The following SYNE1 variants were observed in gnomAD, a reference collection of about 807,000 sequenced individuals.
SYNE1 encodes spectrin repeat containing nuclear envelope protein 1, also known as nesprin-1.
Under a neutral mutation model 1,111.0 loss-of-function variants are expected in SYNE1, and 616 were observed. The observed-to-expected ratio is 0.55, with a 90% CI of 0.52 to 0.59. SYNE1 has a LOEUF of 0.59. Among genes scored for constraint, SYNE1 ranks in the 20% least tolerant of loss-of-function variants. The pLI, the probability that SYNE1 is intolerant of heterozygous loss-of-function variation, is 0.00. For missense variants in SYNE1, 10,006 were observed against 10,417.0 expected, an observed-to-expected ratio of 0.96 and a Z score of 1.72; for synonymous variants, 3,855 against 3,825.8, an observed-to-expected ratio of 1.01 and a Z score of -0.28.
intron 3 of SYNE1, among the ~76,000 whole-genome samples, chr6:152,576,446 C>T (rs901640502): frequency 1.1e-4 from 17 of 152,140 alleles, no homozygotes; most frequent in Non-Finnish European, 2.5e-4. Context: ...AAATCCTATG[C>T]AATTTGGTGT....
rs142288500 is a variant in SYNE1 at position 152,522,169 on chromosome 6, C to T, written c.226-1627G>A. Among the ~76,000 whole-genome samples, 577 of 151,944 alleles carry T rather than the reference C, an allele frequency of 3.8e-3. 5 individuals carry two copies. The highest frequency in any genetic ancestry group is 0.013 in the African/African-American group (556 of 41,466). On this transcript the variant is annotated intron_variant, in intron 5 of 145. Coordinates refer to ENST00000367255, the MANE Select transcript of SYNE1 (RefSeq NM_182961.4). ...TGGTGAAGTCTCAGATTGTAGTGCACCTGTCACTCAACATTTAGTTTTTGA... is the reference window on the plus strand; with the variant it reads ...TGGTGAAGTCTCAGATTGTAGTGCATCTGTCACTCAACATTTAGTTTTTGA...
chr6:152,558,984 A>G (rs1302585654), intron 3 of SYNE1, among the ~76,000 whole-genome samples: 1 of 78,586 alleles, frequency 1.3e-5, no homozygotes, highest in East Asian at 2.8e-4. Context: ...ATTTTTATTT[A>G]TTTATTTATT....
chr6:152,373,222 A>G lies in SYNE1; in HGVS notation c.9325-3T>C, dbSNP rs759404408. The G allele has an allele frequency of 3.1e-6, 5 of 1,607,836 alleles. No homozygotes were observed. The highest frequency in any genetic ancestry group is 2.2e-5 in the East Asian group (1 of 44,844). On this transcript the variant is annotated splice_polypyrimidine_tract_variant and splice_region_variant and intron_variant, in intron 58 of 145. Transcript: ENST00000367255. ...TTTTCACTTTCTGACAAAAACTCCT[A>G]TAAAAGAAAATATAGAATTAGCCAT...
chr6:152,434,187 T>G, intron 33 of SYNE1: 1 of 516,688 alleles, frequency 1.9e-6, no homozygotes. Context: ...AACTGCACTT[T>G]GAACAAAACA....
At chr6:152,604,266 A>G (rs1299049497) in intron 3 of SYNE1, among the ~76,000 whole-genome samples, 1 of 151,198 alleles carries the variant, frequency 6.6e-6, no homozygotes, top group Non-Finnish European at 1.5e-5. Flanking sequence ...ATTTTAAGGA[A>G]CTTGCATTAC....
At position 152,218,304 on chromosome 6, in the gene SYNE1, G is replaced by C; in HGVS notation, c.22144C>G (p.His7382Asp). The change falls in exon 121 of 146, where the codon CAC (histidine) becomes GAC (aspartate). Residue 7382 changes from histidine (H) to aspartate (D), a missense_variant. Around this residue, in one of 7 missense-constraint regions of SYNE1, gnomAD observed 2,182 missense variants for 2,287.8 expected, o/e 0.95. Coordinates refer to ENST00000367255, the MANE Select transcript of SYNE1 (RefSeq NM_182961.4). ...EEILQGQDPS[H>D]SSDLSTIQER... is the part of the protein sequence containing the mutation. ...TGGATTGTGGAGAGGTCAGATGAGT[G>C]GCTAGGGTCCTGCCCTTGTAGTATT... 1 of 1,614,098 alleles carries C rather than the reference G, an allele frequency of 6.2e-7. No individual in the cohort carries two copies. The highest frequency in any genetic ancestry group is 8.5e-7 in the Non-Finnish European group (1 of 1,180,000).
chr6:152,424,998 T>C (rs6909684), intron 39 of SYNE1, among the ~76,000 whole-genome samples: 22,779 of 152,194 alleles, frequency 0.15, 1,866 homozygotes, highest in East Asian at 0.37. Flanking sequence ...TATATTAAAA[T>C]GAAATGGACT....
chr6:152,473,310 A>G (rs943360631), intron 14 of SYNE1, among the ~76,000 whole-genome samples: 1 of 152,216 alleles, frequency 6.6e-6, no homozygotes, highest in African/African-American at 2.4e-5. Context: ...CCAAAATAAT[A>G]CATTAAAATT....
rs1419899673 is a variant in SYNE1 at position 152,122,540 on chromosome 6, G to A, written c.26290C>T (p.Leu8764Phe). Residue 8764 changes from leucine (L) to phenylalanine (F), a missense_variant, in exon 146 of 146, where the codon CTT becomes TTT. Transcript: ENST00000367255. Reference sequence around the variant, plus strand: ...TAGTCTTCCTCTGACATTGGTACAAGGCAGGCAAGCCCGATGAGGAGGAGC... The same window carrying A: ...TAGTCTTCCTCTGACATTGGTACAAAGCAGGCAAGCCCGATGAGGAGGAGC... ...LLLLLIGLAC[L>F]VPMSEEDYSC... 1 of 1,614,112 alleles carries A rather than the reference G, an allele frequency of 6.2e-7. No individual in the cohort carries two copies. The highest frequency in any genetic ancestry group is 8.5e-7 in the Non-Finnish European group (1 of 1,180,052).
At chr6:152,342,990 T>C (rs151229380) in intron 74 of SYNE1, among the ~76,000 whole-genome samples, 8 of 152,300 alleles carry the variant, frequency 5.3e-5, no homozygotes, top group African/African-American at 1.9e-4. Context: ...TTGCATTTCA[T>C]TATAACTTTT....
intron 76 of SYNE1, 145 bp downstream of exon 76, chr6:152,336,696 T>C (rs1340274058): frequency 9.3e-7 from 1 of 1,073,788 alleles, no homozygotes; most frequent in Non-Finnish European, 1.4e-6. Context: ...AACCTGGGGC[T>C]TGGGGACCTC....
chr6:152,441,074 T>C, intron 32 of SYNE1, 56 bp downstream of exon 32: 1 of 1,596,494 alleles, frequency 6.3e-7, no homozygotes, highest in Non-Finnish European at 8.6e-7. Flanking sequence ...AGAAATCATT[T>C]TGTTTGTTTT....
chr6:152,435,782 A>T (rs1017886800), intron 33 of SYNE1, 159 bp downstream of exon 33: 1 of 876,374 alleles, frequency 1.1e-6, no homozygotes, highest in African/African-American at 1.7e-5. Context: ...TTTCTGTATT[A>T]GCGATACTTT....
intron 137 of SYNE1, 111 bp from the exon 138 acceptor site, chr6:152,143,876 G>T: frequency 6.7e-7 from 1 of 1,494,080 alleles, no homozygotes. Context: ...GCATAGAAAT[G>T]GCAGGTGTGG....
At chr6:152,180,420 T>C (rs1168427321) in intron 128 of SYNE1, 126 bp from the exon 129 acceptor site, 2 of 930,822 alleles carry the variant, frequency 2.1e-6, no homozygotes, top group Non-Finnish European at 3.3e-6. Flanking sequence ...GCCCACTGTT[T>C]CCTGAAGTCT....
chr6:152,504,600 C>A (rs1689392305), intron 9 of SYNE1, among the ~76,000 whole-genome samples: 1 of 152,138 alleles, frequency 6.6e-6, no homozygotes, highest in Non-Finnish European at 1.5e-5. Flanking sequence ...CATTTGGAAA[C>A]TTCACTTTGA....
intron 130 of SYNE1, among the ~76,000 whole-genome samples, chr6:152,171,969 T>C (rs943214620): frequency 6.6e-6 from 1 of 152,236 alleles, no homozygotes; most frequent in South Asian, 2.1e-4. Context: ...TCATATATAG[T>C]AGGCGTTCAA....
chr6:152,543,078 T>C (rs1285785117), intron 3 of SYNE1, among the ~76,000 whole-genome samples: 1 of 152,112 alleles, frequency 6.6e-6, no homozygotes, highest in Non-Finnish European at 1.5e-5. Context: ...TGTTATATTT[T>C]CACTATTATA....
Position 152,419,686 on chromosome 6 carries a change from C to T in SYNE1, c.5304G>A (p.Gln1768=), listed in dbSNP as rs1281488597. Residue 1768 remains glutamine (Q), a synonymous_variant, in exon 40 of 146, where the codon CAG becomes CAA. Transcript: ENST00000367255. ...NFLQSVVAEH[Q]QFDELLLSFS... ...AGGAAAGCAGCAGCTCATCAAATTGCTGGTGTTCAGCAACCACAGACTGAA... is the reference window on the plus strand; with the variant it reads ...AGGAAAGCAGCAGCTCATCAAATTGTTGGTGTTCAGCAACCACAGACTGAA... 1.9e-6 allele frequency: 3 copies of T among 1,614,038 alleles called. No homozygotes were observed. The highest frequency in any genetic ancestry group is 2.5e-6 in the Non-Finnish European group (3 of 1,179,990).
Sources: allele counts gnomAD v4.1 joint callset (sites outside exome capture counted in the v4.1 genomes callset), GRCh38; gene constraint gnomAD v4.1.1; regional missense constraint gnomAD v4.1.1; transcripts MANE v1.5; gene names NCBI Gene and HGNC (gene_info 2026-07-23, HGNC 2026-07-21).